Variants in LINC00632 observed in about 807,000 individuals in gnomAD.
The protein encoded by LINC00632 is long independently transcribed non-coding RNA 632.
chrX:140,788,726 A>G (rs1602761432), exon 5 of LINC00632, among the ~76,000 whole-genome samples: 1 of 107,796 alleles, frequency 9.3e-6, no homozygotes, highest in East Asian at 2.9e-4. Flanking sequence ...GCTTCTGTGT[A>G]GTCAGATTTC....
rs1037665230 is a variant in LINC00632 at position 140,777,383 on chromosome X, G to A, written n.5402G>A. Among the ~76,000 whole-genome samples, 9 of 112,300 alleles carry A rather than the reference G, an allele frequency of 8.0e-5. No homozygotes were observed. In the East Asian group the frequency reaches 2.3e-3, roughly 28 times the overall value. On this transcript the variant is annotated non_coding_transcript_exon_variant, in exon 5 of 5. Coordinates refer to ENST00000648200, the Ensembl canonical transcript of LINC00632. ...AACACGCTCAAATGAGGAAGATGAG[G>A]GTTGAAAACCCATTGTAGGATGCTG...
At chrX:140,740,265 TCTC>T (rs1396962233) in intron 3 of LINC00632, among the ~76,000 whole-genome samples, 2 of 111,917 alleles carry the variant, frequency 1.8e-5, no homozygotes, top group Admixed American at 9.5e-5. Flanking sequence ...CAGATGGAGT[TCTC>T]CTCGTCAAGG....
chrX:140,714,043 G>A, intron 2 of LINC00632: 1 of 234,783 alleles, frequency 4.3e-6, no homozygotes, highest in Non-Finnish European at 8.0e-6. Context: ...TCTTCCCACA[G>A]CAAACAGACT....
At chrX:140,764,663 G>C (rs1465408517) in intron 3 of LINC00632, 1 of 112,185 alleles carries the variant, frequency 8.9e-6, no homozygotes, top group Non-Finnish European at 1.9e-5. Flanking sequence ...GGCGGTTAAG[G>C]AGAGGAGATT....
chrX:140,751,530 C>T (rs1931411057), intron 3 of LINC00632, among the ~76,000 whole-genome samples: 1 of 111,219 alleles, frequency 9.0e-6, no homozygotes, highest in Admixed American at 9.7e-5. Context: ...GGGAAGAATA[C>T]ATTTTGAAGA....
chrX:140,715,982 C>T (rs1484808379), intron 2 of LINC00632: 1 of 112,433 alleles, frequency 8.9e-6, no homozygotes, highest in African/African-American at 3.2e-5. Context: ...CACAGTGATG[C>T]GTGTAAACAC....
chrX:140,715,706 A>G (rs189270740), intron 2 of LINC00632, among the ~76,000 whole-genome samples: 73 of 112,406 alleles, frequency 6.5e-4, no homozygotes, highest in Non-Finnish European at 1.2e-3. Context: ...ACTATTTGCT[A>G]TGTCACTCTT....
rs193248096 is a variant in LINC00632, at chrX:140,710,542, A to G, written n.68+737A>G. 5.9e-3 allele frequency among the ~76,000 whole-genome samples: 645 copies of G among 110,069 alleles called. 4 individuals carry two copies. Among genetic ancestry groups the G allele is most frequent in the African/African-American group, 0.02 (598 of 30,239 alleles). On this transcript the variant is annotated intron_variant and non_coding_transcript_variant, in intron 1 of 4. Transcript: ENST00000648200. ...TCGGTGCTTCTTTTTTTGAAAAGGG[A>G]TGTGAGATGGATAGCAGAGATTCTT...
At chrX:140,783,531 T>C (rs1292973354) in exon 5 of LINC00632, 8 of 1,134,057 alleles carry the variant, frequency 7.1e-6, no homozygotes, top group Non-Finnish European at 9.4e-6. Flanking sequence ...ATCTGTGTCT[T>C]CCACCAAATC....
At chrX:140,777,439 A>T (rs920218948) in exon 5 of LINC00632, among the ~76,000 whole-genome samples, 6 of 112,381 alleles carry the variant, frequency 5.3e-5, no homozygotes, top group African/African-American at 1.9e-4. Flanking sequence ...GTTCCAGGAG[A>T]GCTTACGCTC....
chrX:140,781,592 C>A (rs1931934053), exon 5 of LINC00632, among the ~76,000 whole-genome samples: 1 of 111,201 alleles, frequency 9.0e-6, no homozygotes, highest in South Asian at 3.8e-4. Context: ...TGTTATTTAC[C>A]ATTCGGCTTC....
intron 2 of LINC00632, among the ~76,000 whole-genome samples, chrX:140,715,248 C>T (rs1007248624): frequency 1.2e-4 from 13 of 111,603 alleles, no homozygotes; most frequent in African/African-American, 4.2e-4. Flanking sequence ...ACACTCTAAG[C>T]CCACAGTGCT....
intron 3 of LINC00632, among the ~76,000 whole-genome samples, chrX:140,744,134 A>G (rs1049999359): frequency 9.0e-6 from 1 of 110,860 alleles, no homozygotes; most frequent in African/African-American, 3.3e-5. Flanking sequence ...CACTAGGTTC[A>G]GGCTGCCACA....
intron 3 of LINC00632, chrX:140,764,508 G>C (rs1931652132): frequency 1.8e-5 from 2 of 112,581 alleles, no homozygotes; most frequent in Admixed American, 1.9e-4. Flanking sequence ...AGAGGGTGGC[G>C]AGTCAGGAGC....
chrX:140,738,446 G>A (rs777908814), intron 3 of LINC00632, among the ~76,000 whole-genome samples: 25 of 112,443 alleles, frequency 2.2e-4, no homozygotes, highest in African/African-American at 8.1e-4. Flanking sequence ...CCATGCAATG[G>A]AAGTAGTTGT....
At chrX:140,786,777 AG>A (rs1481460610) in exon 5 of LINC00632, among the ~76,000 whole-genome samples, 1 of 111,846 alleles carries the variant, frequency 8.9e-6, no homozygotes, top group African/African-American at 3.2e-5. Context: ...GAAAAACCTT[AG>A]TCTAACATTC....
At chrX:140,784,368 T>C (rs773584850) in exon 5 of LINC00632, 32 of 1,207,359 alleles carry the variant, frequency 2.7e-5, no homozygotes, top group Non-Finnish European at 3.4e-5. Flanking sequence ...CCAAGCCATG[T>C]CTTCCAGAAA....
At chrX:140,723,626 T>C (rs953465655) in intron 2 of LINC00632, among the ~76,000 whole-genome samples, 7 of 1,970 alleles carry the variant, frequency 3.6e-3, no homozygotes, top group African/African-American at 6.4e-3. Flanking sequence ...ACACACACAT[T>C]CCATACACAC....
At chrX:140,710,646 GAAA>G (rs777766556) in intron 1 of LINC00632, among the ~76,000 whole-genome samples, 2 of 100,061 alleles carry the variant, frequency 2.0e-5, no homozygotes, top group Non-Finnish European at 4.1e-5. Flanking sequence ...CAAGAAAAAC[GAAA>G]AAAAAAAGTG....
Sources: allele counts gnomAD v4.1 joint callset (sites outside exome capture counted in the v4.1 genomes callset), GRCh38; gene constraint gnomAD v4.1.1; transcripts MANE v1.5; gene names NCBI Gene and HGNC (gene_info 2026-07-23, HGNC 2026-07-21).